Variants in MAP3K20 observed in about 807,000 individuals in gnomAD.
MAP3K20 encodes mitogen-activated protein kinase kinase kinase 20, also known as HCCS-4.
A neutral mutation model predicts 85.7 loss-of-function variants in MAP3K20; 40 were observed. The ratio of observed to expected loss-of-function variants is 0.47; its 90% CI spans 0.36 to 0.61. The LOEUF (loss-of-function observed/expected upper bound fraction) is 0.61. Among genes scored for constraint, MAP3K20 ranks in the 20% least tolerant of loss-of-function variants. MAP3K20 has a pLI of 0.00. For synonymous variants in MAP3K20, 325 were observed against 327.7 expected (o/e 0.99, Z 0.09); for missense variants, 817 against 961.7 (o/e 0.85, Z 1.99).
chr2:173,255,705 G>T (rs372426513), intron 16 of MAP3K20, among the ~76,000 whole-genome samples: 1 of 152,194 alleles, frequency 6.6e-6, no homozygotes, highest in Non-Finnish European at 1.5e-5. Context: ...AGTGAAGCAG[G>T]GGAAGTTCAG....
At chr2:173,106,896 G>A (rs1687797559) in intron 2 of MAP3K20, among the ~76,000 whole-genome samples, 1 of 152,120 alleles carries the variant, frequency 6.6e-6, no homozygotes, top group African/African-American at 2.4e-5. Flanking sequence ...GTGCAGTTAT[G>A]GGTAATTCCT....
intron 11 of MAP3K20, chr2:173,226,373 AAGT>A (rs1684388927): frequency 9.1e-6 from 9 of 985,040 alleles, no homozygotes; most frequent in Non-Finnish European, 1.1e-5. Flanking sequence ...AGCCTTTTGA[AAGT>A]AGCAGAGTTT....
chr2:173,210,153 A>T, intron 10 of MAP3K20: 1 of 274,980 alleles, frequency 3.6e-6, no homozygotes, highest in Non-Finnish European at 7.1e-6. Flanking sequence ...GGAGTTTGAG[A>T]CCACCTTGAC....
Position 173,225,084 on chromosome 2 carries a change from ATC to A in MAP3K20, c.988-4603_988-4602del, listed in dbSNP as rs1018334428. On this transcript the variant is annotated intron_variant, in intron 11 of 19. Coordinates refer to ENST00000375213, the MANE Select transcript of MAP3K20 (RefSeq NM_016653.3). ...TGCAACTGAAAATGTCTCACCTTTCATCTTTTTTTCTTAATTCATAAAGTTAT... is the reference window on the plus strand; with the variant it reads ...TGCAACTGAAAATGTCTCACCTTTCATTTTTTTCTTAATTCATAAAGTTAT... The A allele has an allele frequency of 4.1e-6, 4 of 985,030 alleles. No individual in the cohort carries two copies. The African/African-American group carries it at 7.0e-5, about 17-fold the overall frequency. The allele number at this position is 985,030 out of a possible 1,614,324, so 61.0% of individuals were successfully genotyped here. A position where few individuals can be genotyped will look rare whatever the true frequency, so the allele number is the denominator to read the frequency against.
Position 173,075,968 on chromosome 2 carries a change from C to A in MAP3K20, c.-69C>A. On this transcript the variant is annotated 5_prime_UTR_variant, in exon 1 of 20. Transcript: ENST00000375213. ...CTCGTCGCGCGCGGGGCCTCCGCGC[C>A]CCCGGCTGCTGCTCACGCCCCGCCC... 1 of 985,088 alleles carries A rather than the reference C, an allele frequency of 1.0e-6. No homozygotes were observed. The highest frequency in any genetic ancestry group is 5.2e-4 in the Middle Eastern group (1 of 1,914). 61.0% of individuals were successfully genotyped at this position (985,088 alleles called of 1,614,324 possible).
At chr2:173,183,035 T>C (rs1690377049) in intron 4 of MAP3K20, 80 bp downstream of exon 4, 1 of 1,080,468 alleles carries the variant, frequency 9.3e-7, no homozygotes, top group Admixed American at 2.4e-5. Flanking sequence ...CATCAGAAAA[T>C]GTTTTATTCT....
intron 10 of MAP3K20, among the ~76,000 whole-genome samples, chr2:173,216,512 T>C (rs1684076442): frequency 6.6e-6 from 1 of 150,852 alleles, no homozygotes; most frequent in African/African-American, 2.4e-5. Flanking sequence ...TCTGGTGTGT[T>C]TTTTTTTTAA....
rs141230656 is a variant in MAP3K20, at chr2:173,105,606, T to C, written c.159+14416T>C. The stretch of plus-strand genomic sequence containing the variant: ...GAAGGAATACAATTCTGATCCATGC[T>C]ACAATATTGATGAATCTTGAAAACG... On this transcript the variant is annotated intron_variant, in intron 2 of 19. Coordinates refer to ENST00000375213, the MANE Select transcript of MAP3K20 (RefSeq NM_016653.3). Among the ~76,000 whole-genome samples, 152 of 152,338 alleles carry C rather than the reference T, an allele frequency of 1.0e-3. 1 individual carries two copies. The highest frequency in any genetic ancestry group is 1.9e-3 in the Non-Finnish European group (129 of 68,032).
chr2:173,217,287 G>A (rs955467751), intron 11 of MAP3K20, 37 bp downstream of exon 11: 12 of 1,482,064 alleles, frequency 8.1e-6, no homozygotes, highest in Non-Finnish European at 1.1e-5. Context: ...TTCCACATGC[G>A]GCTCTAGGCT....
intron 11 of MAP3K20, among the ~76,000 whole-genome samples, chr2:173,228,621 C>A (rs1030478604): frequency 1.8e-4 from 28 of 152,130 alleles, no homozygotes; most frequent in Non-Finnish European, 4.4e-5. Flanking sequence ...AACCGAGATT[C>A]AGGTGACCTT....
At chr2:173,081,779 G>C (rs1489215428) in intron 1 of MAP3K20, among the ~76,000 whole-genome samples, 1 of 152,158 alleles carries the variant, frequency 6.6e-6, no homozygotes, top group Admixed American at 6.5e-5. Context: ...TTGGTGTCGG[G>C]TTCATGACTG....
chr2:173,168,763 T>A (rs552770952), intron 2 of MAP3K20, among the ~76,000 whole-genome samples: 2 of 152,322 alleles, frequency 1.3e-5, no homozygotes, highest in South Asian at 2.1e-4. Context: ...TAATTCTTGA[T>A]TAGCCATATT....
chr2:173,185,138 G>C (rs1690449431), intron 4 of MAP3K20, among the ~76,000 whole-genome samples: 1 of 152,170 alleles, frequency 6.6e-6, no homozygotes, highest in African/African-American at 2.4e-5. Context: ...CTACTCAGGA[G>C]GCTAAGGCAG....
intron 19 of MAP3K20, 91 bp downstream of exon 19, chr2:173,263,986 C>T: frequency 6.7e-7 from 1 of 1,483,998 alleles, no homozygotes; most frequent in Non-Finnish European, 9.0e-7. Context: ...GAGGATACCA[C>T]CTCAATCAGT....
chr2:173,238,612 C>A (rs1684707495), intron 15 of MAP3K20, among the ~76,000 whole-genome samples, 177 bp downstream of exon 15: 1 of 152,156 alleles, frequency 6.6e-6, no homozygotes, highest in Admixed American at 6.5e-5. Context: ...CACCCTTGTT[C>A]CCCACAAGTT....
chr2:173,111,510 T>C (rs2106174997), intron 2 of MAP3K20, among the ~76,000 whole-genome samples: 1 of 152,346 alleles, frequency 6.6e-6, no homozygotes, highest in African/African-American at 2.4e-5. Flanking sequence ...AGCCAATGTC[T>C]AGAAGGGTTT....
At chr2:173,081,952 G>A (rs1010773523) in intron 1 of MAP3K20, among the ~76,000 whole-genome samples, 11 of 152,012 alleles carry the variant, frequency 7.2e-5, no homozygotes, top group African/African-American at 2.4e-4. Context: ...AACGCTCTTG[G>A]TGATGGGTCA....
rs766276002 is a variant in MAP3K20, at chr2:173,217,105, C to A, written c.852-10C>A. 2.6e-6 allele frequency: 4 copies of A among 1,532,550 alleles called. No homozygotes were observed. Among genetic ancestry groups the A allele is most frequent in the Admixed American group, 3.9e-5 (2 of 51,538 alleles). The allele number at this position is 1,532,550 out of a possible 1,614,324, so 94.9% of individuals were successfully genotyped here. A position where few individuals can be genotyped will look rare whatever the true frequency, so the allele number is the denominator to read the frequency against. On this transcript the variant is annotated splice_polypyrimidine_tract_variant and intron_variant, in intron 10 of 19. Transcript: ENST00000375213. ...TAAAGTTGAGACTTACACCAGCTAT[C>A]CCCGTGCAGGTGCGAAATTGAGGCA...
At chr2:173,158,964 A>G (rs1275008249) in intron 2 of MAP3K20, among the ~76,000 whole-genome samples, 1 of 152,246 alleles carries the variant, frequency 6.6e-6, no homozygotes, top group Non-Finnish European at 1.5e-5. Flanking sequence ...GCTGTTAATA[A>G]TACATTAATT....
Sources: gnomAD v4.1 joint callset for allele counts (sites outside exome capture counted in the v4.1 genomes callset) on GRCh38, gnomAD v4.1.1 for gene constraint, MANE v1.5 for transcripts, NCBI Gene and HGNC (gene_info 2026-07-23, HGNC 2026-07-21) for gene names.